The following TP53BP1 variants were observed in gnomAD, a reference collection of about 807,000 sequenced individuals.
TP53BP1 encodes TP53-binding protein 1.
Under a neutral mutation model 200.8 loss-of-function variants are expected in TP53BP1, and 61 were observed. The observed-to-expected ratio is 0.30, with a 90% confidence interval of 0.25 to 0.38. The LOEUF is 0.38. Ranked by LOEUF, TP53BP1 falls within the 10% of genes least tolerant of loss-of-function variation. The pLI is 1.00. For synonymous variants in TP53BP1, 822 were observed against 844.3 expected (o/e 0.97, Z 0.46); for missense variants, 2,144 against 2,371.9 (o/e 0.90, Z 2.00).
At chr15:43,500,436 C>T (rs1408847375) in intron 1 of TP53BP1, among the ~76,000 whole-genome samples, 1 of 151,884 alleles carries the variant, frequency 6.6e-6, no homozygotes, top group East Asian at 1.9e-4. Context: ...CTTATTTCAT[C>T]TATATCCACC....
intron 1 of TP53BP1, among the ~76,000 whole-genome samples, chr15:43,501,649 T>C (rs1352014391): frequency 5.3e-5 from 8 of 152,238 alleles, no homozygotes; most frequent in Admixed American, 4.6e-4. Flanking sequence ...GGCAGTCATA[T>C]TGTAACTTCT....
At chr15:43,414,908 A>G (rs1401295402) in intron 23 of TP53BP1, among the ~76,000 whole-genome samples, 1 of 152,018 alleles carries the variant, frequency 6.6e-6, no homozygotes, top group African/African-American at 2.4e-5. Flanking sequence ...GGGTTTTGCC[A>G]GGTTGGCCAG....
intron 14 of TP53BP1, among the ~76,000 whole-genome samples, chr15:43,441,887 C>T (rs1450235638): frequency 6.6e-6 from 1 of 151,946 alleles, no homozygotes; most frequent in Non-Finnish European, 1.5e-5. Flanking sequence ...GTAGCTGGGA[C>T]TACAGGCATG....
chr15:43,484,750 TTTTTTG>T (rs1466055574), intron 4 of TP53BP1, among the ~76,000 whole-genome samples: 7 of 129,334 alleles, frequency 5.4e-5, no homozygotes, highest in South Asian at 2.3e-4. Context: ...CACTTACTTG[TTTTTTG>T]TTTTTTTTTT....
At chr15:43,453,889 C>T (rs1285001805) in intron 12 of TP53BP1, among the ~76,000 whole-genome samples, 1 of 150,960 alleles carries the variant, frequency 6.6e-6, no homozygotes, top group Non-Finnish European at 1.5e-5. Flanking sequence ...TATTAATAAT[C>T]ACACTTAGAC....
At chr15:43,473,102 G>A (rs958765850) in intron 10 of TP53BP1, among the ~76,000 whole-genome samples, 3 of 152,144 alleles carry the variant, frequency 2.0e-5, no homozygotes, top group Non-Finnish European at 1.5e-5. Flanking sequence ...CTCCCAGTGG[G>A]CTCGTGGTCT....
At chr15:43,435,367 GTT>G (rs1024372549) in intron 16 of TP53BP1, among the ~76,000 whole-genome samples, 14 of 149,982 alleles carry the variant, frequency 9.3e-5, no homozygotes, top group Non-Finnish European at 2.1e-4. Context: ...GTGTAGCTCT[GTT>G]TATGAGGCAT....
intron 1 of TP53BP1, 107 bp from the exon 2 acceptor site, chr15:43,492,575 A>T (rs2079141818): frequency 1.3e-6 from 1 of 789,360 alleles, no homozygotes; most frequent in South Asian, 1.7e-5. Context: ...AAACGGGACC[A>T]CTTCAGGACT....
intron 12 of TP53BP1, among the ~76,000 whole-genome samples, chr15:43,450,599 T>C (rs2046143071): frequency 6.6e-6 from 1 of 152,220 alleles, no homozygotes; most frequent in Non-Finnish European, 1.5e-5. Context: ...ACCCACCAAA[T>C]ATTTGTTCTG....
chr15:43,449,950 C>T (rs1463072292), intron 12 of TP53BP1, among the ~76,000 whole-genome samples: 1 of 152,206 alleles, frequency 6.6e-6, no homozygotes, highest in Non-Finnish European at 1.5e-5. Flanking sequence ...CAAACTATTG[C>T]CAAATCCTTA....
intron 9 of TP53BP1, 40 bp from the exon 10 acceptor site, chr15:43,474,807 C>A (rs2046816757): frequency 7.0e-7 from 1 of 1,431,558 alleles, no homozygotes; most frequent in Non-Finnish European, 9.8e-7. Flanking sequence ...TTTACCATAG[C>A]CACAGTTTTG....
At chr15:43,468,028 G>A (rs1015725137) in intron 11 of TP53BP1, among the ~76,000 whole-genome samples, 9 of 151,806 alleles carry the variant, frequency 5.9e-5, no homozygotes, top group Admixed American at 2.0e-4. Flanking sequence ...CAAGTGATCC[G>A]CCTGCCTCGG....
At position 43,408,120 on chromosome 15, in the gene TP53BP1, G is replaced by A. The variant is rs543494586; in HGVS notation, c.5601-32C>T. The A allele has an allele frequency of 6.2e-5, 99 of 1,605,294 alleles. 1 individual carries two copies. The South Asian group carries it at 1.0e-3, about 17-fold the overall frequency. On this transcript the variant is annotated intron_variant, in intron 26 of 27. Coordinates refer to ENST00000382044, the MANE Select transcript of TP53BP1 (RefSeq NM_001141980.3). The stretch of plus-strand genomic sequence containing the variant: ...AGGAGACAGGAAAGGACCTTAGCAT[G>A]ACAAGTAATATCCAACAAACTGCCT...
intron 21 of TP53BP1, among the ~76,000 whole-genome samples, chr15:43,419,188 C>G (rs1427154348): frequency 6.6e-6 from 1 of 152,186 alleles, no homozygotes; most frequent in African/African-American, 2.4e-5. Flanking sequence ...CCACTGCACT[C>G]TAGCCTGGGA....
rs142978734 is a variant in TP53BP1, at chr15:43,503,589, G to A, written c.-9+6781C>T. 6.9e-3 allele frequency among the ~76,000 whole-genome samples: 1,051 copies of A among 152,198 alleles called. 17 individuals carry two copies. The highest frequency in any genetic ancestry group is 0.04 in the East Asian group (205 of 5,178). On this transcript the variant is annotated intron_variant, in intron 1 of 27. Transcript: ENST00000263801. ...CAGGAGAATTGTTTGAACCCGGGAGGCGGAGGTTGCAGTAAGCAGAGATGA... is the reference window on the plus strand; with the variant it reads ...CAGGAGAATTGTTTGAACCCGGGAGACGGAGGTTGCAGTAAGCAGAGATGA...
chr15:43,438,728 CAAAAAAAAAAAAAAAAA>C (rs397699362), intron 15 of TP53BP1, among the ~76,000 whole-genome samples: 4 of 21,648 alleles, frequency 1.8e-4, no homozygotes, highest in African/African-American at 4.1e-4. Flanking sequence ...AAGCAAGAGG[CAAAAAAAAAAAAAAAAA>C]AAAAAAAAAA....
chr15:43,421,151 G>T lies in TP53BP1; in HGVS notation c.4124C>A (p.Thr1375Lys). 3 of 1,614,170 alleles carry T rather than the reference G, an allele frequency of 1.9e-6. No individual in the cohort carries two copies. The highest frequency in any genetic ancestry group is 2.5e-6 in the Non-Finnish European group (3 of 1,180,014). ...ATCCTCCTCACACACTGGCGTCCCT[G>T]TCTGACTGACCCCTTTTCTAGGACT... Reference protein sequence around the residue: ...KLSPRKGVSQTGTPVCEEDGD... With the variant: ...KLSPRKGVSQKGTPVCEEDGD... Residue 1375 changes from threonine to lysine, a missense_variant, in exon 20 of 28, where the codon ACA becomes AAA. Physicochemically the swap from Thr to Lys is moderately conservative, Grantham distance 78. Around this residue, in one of 4 missense-constraint regions of TP53BP1, gnomAD observed 1,700 missense variants for 1,710.3 expected, o/e 0.99. Coordinates refer to ENST00000382044, the MANE Select transcript of TP53BP1 (RefSeq NM_001141980.3).
chr15:43,408,614 G>C (rs2045005945), intron 26 of TP53BP1: 1 of 414,692 alleles, frequency 2.4e-6, no homozygotes, highest in Non-Finnish European at 4.5e-6. Flanking sequence ...ATGCTCCTGA[G>C]CCTATATATT....
At chr15:43,449,215 C>T (rs1368718376) in intron 12 of TP53BP1, among the ~76,000 whole-genome samples, 1 of 152,154 alleles carries the variant, frequency 6.6e-6, no homozygotes, top group Non-Finnish European at 1.5e-5. Context: ...CAGACATCCA[C>T]CATAGTTACA....
Sources: allele counts gnomAD v4.1 joint callset (sites outside exome capture counted in the v4.1 genomes callset), GRCh38; gene constraint gnomAD v4.1.1; regional missense constraint gnomAD v4.1.1; transcripts MANE v1.5; gene names NCBI Gene and HGNC (gene_info 2026-07-23, HGNC 2026-07-21).